AMPH: variants seen among roughly 807,000 people sequenced by gnomAD.
The protein encoded by AMPH is amphiphysin (Stiff-Mann syndrome with breast cancer 128kD autoantigen).
Under a neutral mutation model 99.1 loss-of-function variants are expected in AMPH, and 49 were observed. The ratio of observed to expected loss-of-function variants is 0.49; its 90% CI spans 0.39 to 0.63. AMPH has a LOEUF of 0.63. Among genes scored for constraint, AMPH ranks in the 20% least tolerant of loss-of-function variants. The pLI, the probability that AMPH is intolerant of heterozygous loss-of-function variation, is 0.00. For synonymous variants in AMPH, 314 were observed against 317.3 expected (o/e 0.99, Z 0.11); for missense variants, 759 against 863.4 (o/e 0.88, Z 1.52).
intron 17 of AMPH, among the ~76,000 whole-genome samples, chr7:38,411,271 G>T (rs1424304163): frequency 1.3e-5 from 2 of 152,156 alleles, no homozygotes; most frequent in African/African-American, 2.4e-5. Context: ...ATCACAGTAT[G>T]GCCTTCTTTA....
intron 1 of AMPH, among the ~76,000 whole-genome samples, chr7:38,610,374 AAAGGAAAGGAAAAGAAAAG>A (rs1793633243): frequency 1.9e-5 from 1 of 51,862 alleles, no homozygotes; most frequent in Non-Finnish European, 4.2e-5. Context: ...AAAAGAAAAG[AAAGGAAAGGAAAAGAAAAG>A]AAAAGAAAAG....
intron 2 of AMPH, among the ~76,000 whole-genome samples, chr7:38,521,294 G>T (rs1333587582): frequency 6.6e-6 from 1 of 152,184 alleles, no homozygotes; most frequent in South Asian, 2.1e-4. Context: ...GCCAAGGCAG[G>T]TCGAATCAGT....
At chr7:38,449,248 G>C (rs1297789742) in intron 11 of AMPH, among the ~76,000 whole-genome samples, 1 of 152,150 alleles carries the variant, frequency 6.6e-6, no homozygotes, top group African/African-American at 2.4e-5. Context: ...ATATCGATTT[G>C]TTCATTTACT....
chr7:38,566,682 A>G (rs1791757260), intron 1 of AMPH, among the ~76,000 whole-genome samples: 1 of 152,228 alleles, frequency 6.6e-6, no homozygotes, highest in African/African-American at 2.4e-5. Context: ...ATCTACAAAG[A>G]AGTTAAACAA....
At chr7:38,390,774 G>A (rs1170694610) in intron 19 of AMPH, among the ~76,000 whole-genome samples, 1 of 152,184 alleles carries the variant, frequency 6.6e-6, no homozygotes, top group Non-Finnish European at 1.5e-5. Flanking sequence ...AGCTCCAGCC[G>A]TGCTTGGCAC....
chr7:38,417,955 G>C lies in AMPH; in HGVS notation c.1273-5C>G, dbSNP rs1785445160. On this transcript the variant is annotated splice_region_variant and splice_polypyrimidine_tract_variant and intron_variant, in intron 16 of 20. Coordinates refer to ENST00000356264, the MANE Select transcript of AMPH (RefSeq NM_001635.4). ...TGGAGCCTGTTCAGATTCAGCCTTG[G>C]AGTGTTTGTTTTGAGGGTTAGAGGA... is the stretch of plus-strand genomic sequence containing the variant. The C allele has an allele frequency of 6.2e-7, 1 of 1,613,066 alleles. No homozygotes were observed. Among genetic ancestry groups the C allele is most frequent in the Non-Finnish European group, 8.5e-7 (1 of 1,179,600 alleles).
chr7:38,628,033 A>G (rs1378933793), intron 1 of AMPH, among the ~76,000 whole-genome samples: 1 of 152,220 alleles, frequency 6.6e-6, no homozygotes, highest in Non-Finnish European at 1.5e-5. Flanking sequence ...AGAAATCACC[A>G]AACAATTTAA....
At chr7:38,455,234 C>A (rs374204190) in intron 11 of AMPH, among the ~76,000 whole-genome samples, 8 of 152,082 alleles carry the variant, frequency 5.3e-5, no homozygotes, top group African/African-American at 1.9e-4. Context: ...CCATGCCCGG[C>A]TAATTTTTGT....
chr7:38,589,449 C>T (rs1240540892), intron 1 of AMPH, among the ~76,000 whole-genome samples: 2 of 152,164 alleles, frequency 1.3e-5, no homozygotes, highest in African/African-American at 4.8e-5. Flanking sequence ...GATTGCCTGT[C>T]TCATACACTA....
At chr7:38,450,111 T>C (rs1786949444) in intron 11 of AMPH, among the ~76,000 whole-genome samples, 1 of 152,226 alleles carries the variant, frequency 6.6e-6, no homozygotes, top group Non-Finnish European at 1.5e-5. Context: ...GCTGTGCTCA[T>C]GTCTGCATGG....
chr7:38,535,108 G>T, intron 1 of AMPH, 97 bp from the exon 2 acceptor site: 1 of 1,023,676 alleles, frequency 9.8e-7, no homozygotes, highest in Non-Finnish European at 1.5e-6. Context: ...GTTTTGCTCT[G>T]AGGAGTAGAG....
At chr7:38,495,463 C>T (rs910695686) in intron 3 of AMPH, among the ~76,000 whole-genome samples, 5 of 152,128 alleles carry the variant, frequency 3.3e-5, no homozygotes, top group African/African-American at 1.2e-4. Flanking sequence ...CATATCATCG[C>T]AGGGTGCACT....
intron 12 of AMPH, among the ~76,000 whole-genome samples, chr7:38,432,569 C>A (rs1786073915): frequency 6.7e-6 from 1 of 148,310 alleles, no homozygotes; most frequent in Non-Finnish European, 1.5e-5. Context: ...ATTTGAAACA[C>A]AAATGAGGTT....
chr7:38,551,249 G>A (rs1340476090), intron 1 of AMPH, among the ~76,000 whole-genome samples: 1 of 152,094 alleles, frequency 6.6e-6, no homozygotes, highest in East Asian at 1.9e-4. Flanking sequence ...TCTATCTTGT[G>A]TGCCATAGCA....
intron 16 of AMPH, among the ~76,000 whole-genome samples, chr7:38,419,390 CA>C (rs11342498): frequency 0.7 from 106,950 of 151,964 alleles, 37,901 homozygotes; most frequent in East Asian, 0.94. Flanking sequence ...CTATTCTTTT[CA>C]AAAGGACATA....
intron 11 of AMPH, among the ~76,000 whole-genome samples, chr7:38,441,835 C>CATATATCAT (rs376039234): frequency 2.5e-5 from 3 of 119,850 alleles, no homozygotes; most frequent in Non-Finnish European, 4.9e-5. Flanking sequence ...TCATATATAT[C>CATATATCAT]ATATATCATA....
At chr7:38,510,462 G>A (rs1789494936) in intron 2 of AMPH, among the ~76,000 whole-genome samples, 1 of 152,098 alleles carries the variant, frequency 6.6e-6, no homozygotes, top group South Asian at 2.1e-4. Flanking sequence ...TTTTGATCTG[G>A]CAAAATAATC....
intron 1 of AMPH, among the ~76,000 whole-genome samples, chr7:38,587,186 A>C (rs1022984034): frequency 1.3e-5 from 2 of 152,160 alleles, no homozygotes; most frequent in African/African-American, 4.8e-5. Flanking sequence ...CAAATCAAGG[A>C]GCTGTGGCCA....
chr7:38,444,206 T>C (rs1364926974), intron 11 of AMPH, among the ~76,000 whole-genome samples: 1 of 152,188 alleles, frequency 6.6e-6, no homozygotes, highest in Non-Finnish European at 1.5e-5. Context: ...AGAGATATAC[T>C]GCGTCTATGC....
Sources: allele counts gnomAD v4.1 joint callset (sites outside exome capture counted in the v4.1 genomes callset), GRCh38; gene constraint gnomAD v4.1.1; transcripts MANE v1.5; gene names NCBI Gene and HGNC (gene_info 2026-07-23, HGNC 2026-07-21).